EEA1: variants seen among roughly 807,000 people sequenced by gnomAD.
EEA1 encodes early endosome antigen 1, 162kD.
In EEA1, 111 loss-of-function variants were observed where a neutral mutation model predicts 209.2. That is an observed-to-expected ratio of 0.53 (90% CI 0.45 to 0.62). The LOEUF is 0.62. EEA1 is among the 20% of genes least tolerant of loss of function. The pLI is 0.00. For missense variants in EEA1, 1,343 were observed against 1,530.8 expected, an observed-to-expected ratio of 0.88 and a Z score of 2.05; for synonymous variants, 536 against 540.6, an observed-to-expected ratio of 0.99 and a Z score of 0.12.
At chr12:92,832,433 A>G in intron 11 of EEA1, 79 bp downstream of exon 11, 4 of 1,346,726 alleles carry the variant, frequency 3.0e-6, no homozygotes, top group Non-Finnish European at 4.1e-6. Context: ...CATGAACTAT[A>G]TTATGATCAA....
rs1873521713 is a variant in EEA1, at chr12:92,773,615, G to A, written c.*2396C>T. 6.6e-6 allele frequency: 1 copy of A among 151,646 alleles called. No homozygotes were observed. The highest frequency in any genetic ancestry group is 2.4e-5 in the African/African-American group (1 of 41,368). The allele number at this position is 151,646 out of a possible 1,614,324, so 9.4% of individuals were successfully genotyped here. ...TGGAATTTACTAACATTATGTCAAT[G>A]TGCTTTTCATTAAAGCCAAGAGCTG... On this transcript the variant is annotated 3_prime_UTR_variant, in exon 29 of 29. Transcript: ENST00000322349.
chr12:92,774,080 G>C lies in EEA1; in HGVS notation c.*1931C>G, dbSNP rs925176521. The C allele has an allele frequency of 6.7e-6, 1 of 148,392 alleles. No individual in the cohort carries two copies. Among genetic ancestry groups the C allele is most frequent in the Admixed American group, 6.7e-5 (1 of 14,836 alleles). 9.2% of individuals were successfully genotyped at this position (148,392 alleles called of 1,614,324 possible). ...AAAAAAAAAAAAACAGTGGTGCTGTGAATATCTGTGTTTTTCCAGCACACT... is the reference window on the plus strand; with the variant it reads ...AAAAAAAAAAAAACAGTGGTGCTGTCAATATCTGTGTTTTTCCAGCACACT... On this transcript the variant is annotated 3_prime_UTR_variant, in exon 29 of 29. Coordinates refer to ENST00000322349, the MANE Select transcript of EEA1 (RefSeq NM_003566.4).
At chr12:92,825,124 T>C (rs1167614893) in intron 13 of EEA1, among the ~76,000 whole-genome samples, 1 of 152,130 alleles carries the variant, frequency 6.6e-6, no homozygotes, top group Non-Finnish European at 1.5e-5. Context: ...CAGTGATTAA[T>C]GAAAGAATGA....
At chr12:92,877,216 T>G (rs1244149924) in intron 2 of EEA1, among the ~76,000 whole-genome samples, 1 of 151,000 alleles carries the variant, frequency 6.6e-6, no homozygotes, top group African/African-American at 2.4e-5. Context: ...TGGCCTCAAC[T>G]GATCCGCCAG....
chr12:92,895,899 CAGT>C (rs1879861013), intron 1 of EEA1, among the ~76,000 whole-genome samples: 1 of 151,954 alleles, frequency 6.6e-6, no homozygotes, highest in African/African-American at 2.4e-5. Flanking sequence ...TTCAAGACTC[CAGT>C]AGAACAGATA....
chr12:92,914,280 C>T (rs551849038), intron 1 of EEA1, among the ~76,000 whole-genome samples: 6 of 152,086 alleles, frequency 3.9e-5, no homozygotes, highest in East Asian at 1.9e-4. Flanking sequence ...TCAACTTCAT[C>T]GAATATCAAT....
chr12:92,887,657 A>T (rs1879470799), intron 2 of EEA1, among the ~76,000 whole-genome samples: 1 of 152,072 alleles, frequency 6.6e-6, no homozygotes, highest in Non-Finnish European at 1.5e-5. Context: ...CAAAAAATAA[A>T]AATAAAAAAA....
chr12:92,913,510 A>C (rs1457081791), intron 1 of EEA1, among the ~76,000 whole-genome samples: 1 of 152,134 alleles, frequency 6.6e-6, no homozygotes, highest in African/African-American at 2.4e-5. Flanking sequence ...TTGGCTGTAC[A>C]GACAATTTTT....
At chr12:92,908,795 A>G (rs2247299) in intron 1 of EEA1, among the ~76,000 whole-genome samples, 93,833 of 152,006 alleles carry the variant, frequency 0.62, 29,714 homozygotes, top group East Asian at 0.94. Context: ...ACCATTTTAT[A>G]TCTTAAATTT....
chr12:92,904,709 T>C (rs1880297641), intron 1 of EEA1, among the ~76,000 whole-genome samples: 1 of 152,206 alleles, frequency 6.6e-6, no homozygotes, highest in Non-Finnish European at 1.5e-5. Context: ...ACATTTTACT[T>C]ATGTTTACTC....
chr12:92,790,702 G>C (rs1030136378), intron 21 of EEA1, among the ~76,000 whole-genome samples: 2 of 152,190 alleles, frequency 1.3e-5, no homozygotes, highest in African/African-American at 4.8e-5. Flanking sequence ...ACACTCTTCA[G>C]GATATTACCC....
intron 2 of EEA1, among the ~76,000 whole-genome samples, 195 bp downstream of exon 2, chr12:92,891,434 G>A (rs772872758): frequency 2.0e-5 from 3 of 152,134 alleles, no homozygotes; most frequent in Non-Finnish European, 4.4e-5. Context: ...ATTTTTCAGA[G>A]TCTTAATGTA....
intron 13 of EEA1, among the ~76,000 whole-genome samples, chr12:92,822,685 A>G (rs1264810286): frequency 6.6e-6 from 1 of 152,084 alleles, no homozygotes; most frequent in African/African-American, 2.4e-5. Context: ...GTAACCAATT[A>G]CCTATTTTTC....
chr12:92,836,527 T>C (rs1284188990), intron 10 of EEA1, among the ~76,000 whole-genome samples: 2 of 152,210 alleles, frequency 1.3e-5, no homozygotes, highest in African/African-American at 2.4e-5. Context: ...CTCATCTCAC[T>C]TGTTCCTCAG....
At chr12:92,877,029 TGCCTCCCAGGCACAA>T (rs1381329608) in intron 2 of EEA1, among the ~76,000 whole-genome samples, 1 of 150,548 alleles carries the variant, frequency 6.6e-6, no homozygotes, top group East Asian at 1.9e-4. Flanking sequence ...CTGCAACCTC[TGCCTCCCAGGCACAA>T]GAAATTCTCG....
chr12:92,826,036 T>G, intron 13 of EEA1, 130 bp downstream of exon 13: 1 of 975,890 alleles, frequency 1.0e-6, no homozygotes, highest in Non-Finnish European at 1.4e-6. Context: ...AATCAAGTAT[T>G]TTGTACTTTC....
intron 1 of EEA1, among the ~76,000 whole-genome samples, chr12:92,893,094 G>A (rs2136756458): frequency 1.3e-5 from 2 of 152,256 alleles, no homozygotes; most frequent in East Asian, 3.9e-4. Context: ...ACATTTTGGA[G>A]GGTTAAAGGT....
chr12:92,867,265 G>A (rs1349496884), intron 2 of EEA1, among the ~76,000 whole-genome samples: 3 of 152,046 alleles, frequency 2.0e-5, no homozygotes, highest in African/African-American at 4.8e-5. Context: ...GTGCCTTTGC[G>A]TATACTGCTT....
At chr12:92,836,155 G>A (rs1158180024) in intron 10 of EEA1, among the ~76,000 whole-genome samples, 2 of 152,082 alleles carry the variant, frequency 1.3e-5, no homozygotes, top group Admixed American at 6.5e-5. Context: ...GATATGATTG[G>A]TCAAATGGTA....
Sources: gnomAD v4.1 joint callset for allele counts (sites outside exome capture counted in the v4.1 genomes callset) on GRCh38, gnomAD v4.1.1 for gene constraint, MANE v1.5 for transcripts, NCBI Gene and HGNC (gene_info 2026-07-23, HGNC 2026-07-21) for gene names.